ST3GAL3: variants seen among roughly 807,000 people sequenced by gnomAD.
ST3GAL3 encodes the protein CMP-N-acetylneuraminate-beta-1,4-galactoside alpha-2,3-sialyltransferase.
In ST3GAL3, 21 loss-of-function variants were observed where a neutral mutation model predicts 50.1. The observed-to-expected ratio is 0.42, with a 90% CI of 0.30 to 0.60. The LOEUF is 0.60. Ranked by LOEUF, ST3GAL3 falls within the 20% of genes least tolerant of loss-of-function variation. The probability of loss-of-function intolerance (pLI) is 0.19; values close to 1 mark genes in which losing one functional copy is unlikely to be tolerated. For missense variants in ST3GAL3, 353 were observed against 489.4 expected, an observed-to-expected ratio of 0.72 and a Z score of 2.63; for synonymous variants, 183 against 190.0, an observed-to-expected ratio of 0.96 and a Z score of 0.30.
chr1:43,857,302 G>C (rs572016406), intron 5 of ST3GAL3, among the ~76,000 whole-genome samples: 1 of 152,160 alleles, frequency 6.6e-6, no homozygotes, highest in East Asian at 1.9e-4. Context: ...TAAGGTTTTT[G>C]AAAACATTTA....
chr1:43,767,256 G>T (rs550815195), intron 2 of ST3GAL3, among the ~76,000 whole-genome samples: 7 of 152,240 alleles, frequency 4.6e-5, no homozygotes, highest in African/African-American at 1.7e-4. Context: ...AAAGGCAGAG[G>T]GAAGATTATG....
intron 5 of ST3GAL3, chr1:43,851,366 G>A (rs2067271326): frequency 6.9e-6 from 11 of 1,585,546 alleles, no homozygotes; most frequent in African/African-American, 1.3e-5. Flanking sequence ...TACACTCAAA[G>A]TTTGCAGGGG....
rs1571531203 is a variant in ST3GAL3 at position 43,920,865 on chromosome 1, C to T, written c.975C>T (p.Asp325=). 1 of 1,613,988 alleles carries T rather than the reference C, an allele frequency of 6.2e-7. No homozygotes were observed. The highest frequency in any genetic ancestry group is 8.5e-7 in the Non-Finnish European group (1 of 1,179,936). ...DEVAVAGFGY[D]MSTPNAPLHY... ...TGGCAGTCGCAGGATTTGGCTATGA[C>T]ATGAGCACACCCAACGCACCCCTGC... is the stretch of plus-strand genomic sequence containing the variant. The change falls in exon 11 of 12, where the codon GAC becomes GAT. Residue 325 remains aspartate (D), a synonymous_variant. Transcript: ENST00000347631.
chr1:43,743,895 A>G (rs1219397053), intron 2 of ST3GAL3, among the ~76,000 whole-genome samples: 5 of 134,952 alleles, frequency 3.7e-5, no homozygotes, highest in Non-Finnish European at 6.2e-5. Flanking sequence ...GTGTGTACAC[A>G]CGCATATTGT....
chr1:43,782,677 A>G (rs1447554546), intron 2 of ST3GAL3, among the ~76,000 whole-genome samples: 1 of 152,204 alleles, frequency 6.6e-6, no homozygotes, highest in Admixed American at 6.5e-5. Flanking sequence ...TGTATTGAGG[A>G]CTTAACTACA....
rs904714879 is a variant in ST3GAL3 at position 43,815,343 on chromosome 1, A to C, written c.209+410A>C. Among the ~76,000 whole-genome samples the C allele has an allele frequency of 2.0e-5, 3 of 151,184 alleles. No homozygotes were observed. The East Asian group carries it at 5.8e-4, about 29-fold the overall frequency. ...CTCCCTGTCTTACTCTCCAGTTTCA[A>C]CTCCTGCCACTCTTGCCACAGATGA... is the stretch of plus-strand genomic sequence containing the variant. On this transcript the variant is annotated intron_variant, in intron 4 of 11. Coordinates refer to ENST00000347631, the MANE Select transcript of ST3GAL3 (RefSeq NM_006279.5).
At chr1:43,810,558 G>A (rs1029729342) in intron 3 of ST3GAL3, among the ~76,000 whole-genome samples, 1 of 152,086 alleles carries the variant, frequency 6.6e-6, no homozygotes, top group African/African-American at 2.4e-5. Flanking sequence ...CCTATTGTTC[G>A]CAAGGGGACT....
chr1:43,828,570 T>TA (rs1413430613), intron 4 of ST3GAL3, among the ~76,000 whole-genome samples: 1 of 151,818 alleles, frequency 6.6e-6, no homozygotes, highest in Non-Finnish European at 1.5e-5. Flanking sequence ...CCAACCCAAT[T>TA]AAAAAAATGG....
chr1:43,714,432 C>CAAAAAAAAAAAAA (rs35400929), intron 1 of ST3GAL3, among the ~76,000 whole-genome samples: 3 of 73,698 alleles, frequency 4.1e-5, no homozygotes, highest in East Asian at 3.7e-4. Flanking sequence ...TACTAAAATA[C>CAAAAAAAAAAAAA]AAAAAAAAAA....
chr1:43,839,955 C>T (rs2065081764), intron 5 of ST3GAL3: 1 of 152,152 alleles, frequency 6.6e-6, no homozygotes, highest in South Asian at 2.1e-4. Context: ...GGTGCTAAGT[C>T]ATTCATGAGA....
intron 1 of ST3GAL3, among the ~76,000 whole-genome samples, chr1:43,735,669 A>T (rs1678093812): frequency 6.6e-6 from 1 of 152,226 alleles, no homozygotes; most frequent in Non-Finnish European, 1.5e-5. Flanking sequence ...GCAAGGATCC[A>T]GCTGAGCCTC....
intron 2 of ST3GAL3, among the ~76,000 whole-genome samples, chr1:43,779,024 C>A (rs1698440761): frequency 6.6e-6 from 1 of 151,204 alleles, no homozygotes; most frequent in South Asian, 2.1e-4. Flanking sequence ...CTCACTGCAA[C>A]CTCCACCTCC....
intron 11 of ST3GAL3, among the ~76,000 whole-genome samples, chr1:43,928,532 G>A (rs140575591): frequency 1.3e-5 from 2 of 151,810 alleles, no homozygotes; most frequent in South Asian, 2.1e-4. Context: ...CCCGGGGGGC[G>A]GAGGTTGCAG....
chr1:43,786,941 C>T (rs1228305404), intron 2 of ST3GAL3, among the ~76,000 whole-genome samples: 1 of 152,188 alleles, frequency 6.6e-6, no homozygotes, highest in African/African-American at 2.4e-5. Context: ...TGGTAATTGG[C>T]TGAAGATAAG....
At chr1:43,743,056 C>T (rs1489721967) in intron 2 of ST3GAL3, among the ~76,000 whole-genome samples, 3 of 143,382 alleles carry the variant, frequency 2.1e-5, no homozygotes, top group Non-Finnish European at 4.5e-5. Context: ...CGCCACTGCA[C>T]TGCAGCCTGG....
rs117535846 is a variant in ST3GAL3 at position 43,771,882 on chromosome 1, A to G, written c.119-20220A>G. ...TGAACACCTCCCTTTGTTTTTTTAC[A>G]GAAGATGGCCTGTTTCAAAGGTGTG... is the stretch of plus-strand genomic sequence containing the variant. On this transcript the variant is annotated intron_variant, in intron 2 of 11. Transcript: ENST00000347631. The G allele has an allele frequency of 5.7e-4, 228 of 398,482 alleles. 1 individual carries two copies. In the East Asian group the frequency reaches 7.8e-3, roughly 14 times the overall value. The allele number at this position is 398,482 out of a possible 1,614,324, so 24.7% of individuals were successfully genotyped here. A position where few individuals can be genotyped will look rare whatever the true frequency, so the allele number is the denominator to read the frequency against.
chr1:43,744,289 GC>G (rs1483112642), intron 2 of ST3GAL3, among the ~76,000 whole-genome samples: 3 of 151,300 alleles, frequency 2.0e-5, no homozygotes, highest in East Asian at 3.9e-4. Flanking sequence ...TTGCTCTCTC[GC>G]CCATGCTGGA....
At chr1:43,773,327 G>A (rs1470096670) in intron 2 of ST3GAL3, among the ~76,000 whole-genome samples, 1 of 152,094 alleles carries the variant, frequency 6.6e-6, no homozygotes, top group African/African-American at 2.4e-5. Context: ...GCCTTCCTTG[G>A]CATCTCAGTG....
intron 5 of ST3GAL3, among the ~76,000 whole-genome samples, chr1:43,846,468 T>G (rs2066271083): frequency 6.6e-6 from 1 of 152,188 alleles, no homozygotes; most frequent in East Asian, 1.9e-4. Context: ...ATCCTTTTAT[T>G]TGGTTGGTGC....
Sources: gnomAD v4.1 joint callset for allele counts (sites outside exome capture counted in the v4.1 genomes callset) on GRCh38, gnomAD v4.1.1 for gene constraint, MANE v1.5 for transcripts, NCBI Gene and HGNC (gene_info 2026-07-23, HGNC 2026-07-21) for gene names.